CFAP20DC: variants seen among roughly 807,000 people sequenced by gnomAD.
The protein encoded by CFAP20DC is protein CFAP20DC.
CFAP20DC carries 84 observed loss-of-function variants against 101.7 expected under a neutral mutation model. The observed-to-expected ratio is 0.83, with a 90% confidence interval of 0.69 to 0.99. The LOEUF (loss-of-function observed/expected upper bound fraction) is 0.99. Ranked by LOEUF, CFAP20DC falls within the 50% of genes least tolerant of loss-of-function variation. The probability of loss-of-function intolerance (pLI) is 0.00; values close to 1 mark genes in which losing one functional copy is unlikely to be tolerated. For synonymous variants in CFAP20DC, 359 were observed against 351.2 expected (o/e 1.02, Z -0.25); for missense variants, 1,007 against 970.3 (o/e 1.04, Z -0.50).
intron 15 of CFAP20DC, among the ~76,000 whole-genome samples, chr3:58,796,182 A>G (rs1399172055): frequency 6.6e-6 from 1 of 152,200 alleles, no homozygotes; most frequent in African/African-American, 2.4e-5. Context: ...GTCAACAAGT[A>G]CCAAGAGCAG....
At chr3:58,819,461 T>C (rs1211900543) in intron 14 of CFAP20DC, among the ~76,000 whole-genome samples, 4 of 149,368 alleles carry the variant, frequency 2.7e-5, no homozygotes, top group African/African-American at 7.4e-5. Context: ...AAAGGGGATA[T>C]CACCACCGAT....
rs558046432 is a variant in CFAP20DC, at chr3:58,981,422, A to G, written c.279-43660T>C. On this transcript the variant is annotated intron_variant, in intron 4 of 16. Transcript: ENST00000482387. ...AAGTCAATCCTAAGCCAAAAGAACA[A>G]AGCCGGAGGCATCACACTACCTGAC... 9.8e-5 allele frequency among the ~76,000 whole-genome samples: 15 copies of G among 152,296 alleles called. 1 individual carries two copies. In the South Asian group the frequency reaches 3.1e-3, roughly 32 times the overall value.
In CFAP20DC at chr3:58,869,252, C is replaced by T; in HGVS notation, c.1015+76G>A. 8.5e-7 allele frequency: 1 copy of T among 1,183,206 alleles called. No homozygotes were observed. Among genetic ancestry groups the T allele is most frequent in the Non-Finnish European group, 1.2e-6 (1 of 842,558 alleles). 73.3% of individuals were successfully genotyped at this position (1,183,206 alleles called of 1,614,324 possible). A position where few individuals can be genotyped will look rare whatever the true frequency, so the allele number is the denominator to read the frequency against. On this transcript the variant is annotated intron_variant, in intron 9 of 16. Transcript: ENST00000482387. This position sits in a 1 kb window ranked among gnomAD's most constrained non-coding sequence, Gnocchi z 4.3. ...ACTTAAGATCTAGACTTGAATATAA[C>T]TGCTGATTTATCTTAACAAGAACAT...
chr3:58,958,249 C>T (rs1283136810), intron 4 of CFAP20DC, among the ~76,000 whole-genome samples: 1 of 152,100 alleles, frequency 6.6e-6, no homozygotes, highest in Non-Finnish European at 1.5e-5. Context: ...CTAAATTCAC[C>T]TTTTCTGGAT....
chr3:58,719,011 G>A (rs1437530577), intron 3 of CFAP20DC, among the ~76,000 whole-genome samples: 3 of 152,184 alleles, frequency 2.0e-5, no homozygotes, highest in South Asian at 2.1e-4. Flanking sequence ...GGGAGGCCAA[G>A]GAAGGAGGAT....
intron 6 of CFAP20DC, among the ~76,000 whole-genome samples, chr3:58,891,028 C>G (rs1310173495): frequency 6.7e-6 from 1 of 148,244 alleles, no homozygotes; most frequent in African/African-American, 2.5e-5. Flanking sequence ...GGGGTGGCGG[C>G]CGGGCAGAGG....
At chr3:58,825,626 C>G in intron 14 of CFAP20DC, among the ~76,000 whole-genome samples, 1 of 152,038 alleles carries the variant, frequency 6.6e-6, no homozygotes, top group Non-Finnish European at 1.5e-5. Context: ...TTCATTATAA[C>G]TAACTCCTAG....
At chr3:58,974,067 G>T (rs2092121446) in intron 4 of CFAP20DC, among the ~76,000 whole-genome samples, 1 of 152,156 alleles carries the variant, frequency 6.6e-6, no homozygotes, top group African/African-American at 2.4e-5. Flanking sequence ...CAGAGCAAGT[G>T]AGAGAATGGC....
At position 58,831,978 on chromosome 3, in the gene CFAP20DC, C is replaced by A. The variant is rs2076425449; in HGVS notation, c.1972-89G>T. 4 of 1,102,572 alleles carry A rather than the reference C, an allele frequency of 3.6e-6. No homozygotes were observed. The African/African-American group carries it at 4.6e-5, about 13-fold the overall frequency. 68.3% of individuals were successfully genotyped at this position (1,102,572 alleles called of 1,614,324 possible). A position where few individuals can be genotyped will look rare whatever the true frequency, so the allele number is the denominator to read the frequency against. On this transcript the variant is annotated intron_variant, in intron 13 of 16. Coordinates refer to ENST00000482387, the MANE Select transcript of CFAP20DC (RefSeq NM_001394063.1). ...GCCACAGCCTTAACCCCTACAGCAG[C>A]TCCCCCAACTGACAGAGGCCCAAAT...
intron 4 of CFAP20DC, among the ~76,000 whole-genome samples, chr3:58,967,664 G>A (rs999256406): frequency 3.3e-5 from 5 of 152,056 alleles, no homozygotes; most frequent in Non-Finnish European, 5.9e-5. Flanking sequence ...AATCAACAAC[G>A]AAAAGATAAT....
chr3:58,966,445 T>C (rs1404643960), intron 4 of CFAP20DC, among the ~76,000 whole-genome samples: 1 of 151,398 alleles, frequency 6.6e-6, no homozygotes, highest in East Asian at 1.9e-4. Context: ...CATTGAAAAC[T>C]ACAAAATATC....
chr3:58,765,989 C>T (rs1008145307), intron 15 of CFAP20DC, among the ~76,000 whole-genome samples: 1 of 152,058 alleles, frequency 6.6e-6, no homozygotes, highest in African/African-American at 2.4e-5. Flanking sequence ...TTCAGGAGGT[C>T]AGAGATAGTC....
intron 15 of CFAP20DC, among the ~76,000 whole-genome samples, chr3:58,796,838 T>C (rs2073287342): frequency 6.6e-6 from 1 of 152,230 alleles, no homozygotes; most frequent in African/African-American, 2.4e-5. Flanking sequence ...GGTAATTCTC[T>C]AAATATTTCA....
At chr3:58,816,949 C>G (rs989656343) in intron 14 of CFAP20DC, among the ~76,000 whole-genome samples, 9 of 152,178 alleles carry the variant, frequency 5.9e-5, no homozygotes, top group East Asian at 1.9e-4. Flanking sequence ...ATCTGAGAAC[C>G]AGCAGACTGC....
chr3:58,886,454 G>A (rs953767051), intron 6 of CFAP20DC, among the ~76,000 whole-genome samples: 2 of 152,050 alleles, frequency 1.3e-5, no homozygotes, highest in African/African-American at 2.4e-5. Context: ...GGTTGGGTGT[G>A]GTGGCTCCAG....
At chr3:58,830,630 C>A (rs2076334439) in intron 14 of CFAP20DC, among the ~76,000 whole-genome samples, 1 of 152,162 alleles carries the variant, frequency 6.6e-6, no homozygotes. Context: ...TCCGCGTCAA[C>A]TATACTTCAA....
At chr3:58,988,038 C>T (rs906221269) in intron 4 of CFAP20DC, among the ~76,000 whole-genome samples, 3 of 151,822 alleles carry the variant, frequency 2.0e-5, no homozygotes, top group Non-Finnish European at 4.4e-5. Context: ...ATGTATGTGT[C>T]TACAAGTCTT....
At chr3:58,931,363 A>G (rs1366613023) in intron 5 of CFAP20DC, among the ~76,000 whole-genome samples, 2 of 151,836 alleles carry the variant, frequency 1.3e-5, no homozygotes, top group Non-Finnish European at 2.9e-5. Flanking sequence ...AAACAAAAAG[A>G]CAGCAGTAAC....
intron 5 of CFAP20DC, among the ~76,000 whole-genome samples, chr3:58,918,875 T>C (rs2085028750): frequency 6.6e-6 from 1 of 152,174 alleles, no homozygotes; most frequent in Non-Finnish European, 1.5e-5. Flanking sequence ...TTGTTTGGAT[T>C]AAATATTTAA....
Sources: allele counts gnomAD v4.1 joint callset (sites outside exome capture counted in the v4.1 genomes callset), GRCh38; gene constraint gnomAD v4.1.1; non-coding constraint Gnocchi (gnomAD v3.1); transcripts MANE v1.5; gene names NCBI Gene and HGNC (gene_info 2026-07-23, HGNC 2026-07-21).